MTARC1: variants seen among roughly 807,000 people sequenced by gnomAD.
MTARC1 encodes the protein mitochondrial amidoxime-reducing component 1.
In MTARC1, 24 loss-of-function variants were observed where a neutral mutation model predicts 33.6. The observed-to-expected ratio is 0.72, with a 90% CI of 0.52 to 1.01. MTARC1 has a LOEUF of 1.01. Ranked by LOEUF, MTARC1 falls within the 50% of genes least tolerant of loss-of-function variation. The probability of loss-of-function intolerance (pLI) is 0.00; values close to 1 mark genes in which losing one functional copy is unlikely to be tolerated. For synonymous variants in MTARC1, 187 were observed against 189.5 expected, an observed-to-expected ratio of 0.99 and a Z score of 0.11; for missense variants, 417 against 445.7, an observed-to-expected ratio of 0.94 and a Z score of 0.58.
intron 4 of MTARC1, among the ~76,000 whole-genome samples, chr1:220,802,791 C>A (rs531244000): frequency 1.3e-5 from 2 of 152,342 alleles, no homozygotes; most frequent in South Asian, 2.1e-4. Context: ...TAGCCACCAG[C>A]CAGATCCTAC....
intron 4 of MTARC1, among the ~76,000 whole-genome samples, chr1:220,800,529 T>G (rs1268595534): frequency 6.6e-6 from 1 of 152,044 alleles, no homozygotes; most frequent in African/African-American, 2.4e-5. Flanking sequence ...CCCAGGGCTC[T>G]GGTCTCAAAC....
At chr1:220,804,479 A>G (rs1672908470) in intron 4 of MTARC1, among the ~76,000 whole-genome samples, 1 of 152,174 alleles carries the variant, frequency 6.6e-6, no homozygotes, top group Admixed American at 6.5e-5. Flanking sequence ...ACTAGGCTCC[A>G]CTGACCCAGC....
At chr1:220,810,606 G>T (rs535492274) in intron 6 of MTARC1, among the ~76,000 whole-genome samples, 14 of 152,254 alleles carry the variant, frequency 9.2e-5, no homozygotes, top group Admixed American at 9.2e-4. Context: ...AGGCTGTGCC[G>T]AGAGGGGCAG....
intron 6 of MTARC1, among the ~76,000 whole-genome samples, chr1:220,811,284 C>G (rs1673127603): frequency 1.3e-5 from 2 of 152,240 alleles, no homozygotes; most frequent in Non-Finnish European, 2.9e-5. Context: ...ATACTCTTGG[C>G]AAGGCAGGGA....
chr1:220,811,175 C>A (rs1673124536), intron 6 of MTARC1, among the ~76,000 whole-genome samples: 1 of 152,198 alleles, frequency 6.6e-6, no homozygotes, highest in Non-Finnish European at 1.5e-5. Context: ...CTCAGAATGT[C>A]ATGAATGTTG....
intron 2 of MTARC1, among the ~76,000 whole-genome samples, chr1:220,791,922 T>C (rs1244985021): frequency 6.6e-6 from 1 of 152,020 alleles, no homozygotes; most frequent in Non-Finnish European, 1.5e-5. Context: ...AAAAGCATAT[T>C]GACATGTCAG....
chr1:220,787,232 GCCGGCGCGGGGCAGCGCTGAT>G lies in MTARC1; in HGVS notation c.275+19_275+39del. On this transcript the variant is annotated intron_variant, in intron 1 of 6. Transcript: ENST00000366910. ...ACCTGCGGGACAGGTACGGCCAAGC[GCCGGCGCGGGGCAGCGCTGAT>G]CCGGCTCGGGGCAAGGGGGTGAGAA... 6.4e-7 allele frequency: 1 copy of G among 1,554,622 alleles called. No homozygotes were observed. The highest frequency in any genetic ancestry group is 2.4e-5 in the East Asian group (1 of 41,128).
intron 4 of MTARC1, among the ~76,000 whole-genome samples, chr1:220,803,843 C>T (rs1672889004): frequency 6.6e-6 from 1 of 152,154 alleles, no homozygotes; most frequent in Non-Finnish European, 1.5e-5. Flanking sequence ...GAAATGTTCA[C>T]AGGACAGGCT....
At position 220,796,766 on chromosome 1, in the gene MTARC1, T is replaced by G. The variant is rs1232705011; in HGVS notation, c.573T>G (p.Arg191=). The part of the protein sequence containing the change: ...VHFEPHMRPR[R]PHQIADLFRP... ...TCGAGCCTCACATGCGACCGAGACG[T>G]CCTCATCAAATAGCAGACTTGTTCC... The change falls in exon 3 of 7, where the codon CGT becomes CGG. Residue 191 remains arginine, a synonymous_variant. Coordinates refer to ENST00000366910, the MANE Select transcript of MTARC1 (RefSeq NM_022746.4). 2 of 1,612,426 alleles carry G rather than the reference T, an allele frequency of 1.2e-6. No homozygotes were observed. The highest frequency in any genetic ancestry group is 3.3e-5 in the Admixed American group (2 of 59,778).
chr1:220,806,488 A>G (rs1159035488), intron 6 of MTARC1, among the ~76,000 whole-genome samples: 1 of 152,210 alleles, frequency 6.6e-6, no homozygotes, highest in African/African-American at 2.4e-5. Flanking sequence ...AGGTTGCTCT[A>G]GGCTTTGTGG....
rs1217603552 is a variant in MTARC1, at chr1:220,786,943, C to T, written c.-2C>T. 9 of 1,239,802 alleles carry T rather than the reference C, an allele frequency of 7.3e-6. No individual in the cohort carries two copies. The highest frequency in any genetic ancestry group is 8.0e-6 in the Non-Finnish European group (8 of 994,230). The allele number at this position is 1,239,802 out of a possible 1,614,324, so 76.8% of individuals were successfully genotyped here. On this transcript the variant is annotated 5_prime_UTR_variant, in exon 1 of 7. Transcript: ENST00000366910. ...CGCCGCCACCTCGCGGAGAAGCCAG[C>T]CATGGGCGCCGCCGGCTCCTCCGCG...
chr1:220,794,081 A>G (rs1288772007), intron 2 of MTARC1: 2 of 152,186 alleles, frequency 1.3e-5, no homozygotes, highest in Non-Finnish European at 2.9e-5. Flanking sequence ...TTGACTTTGT[A>G]AAAATAATTA....
chr1:220,813,797 G>C lies in MTARC1; in HGVS notation c.*379G>C, dbSNP rs1673212747. ...GAGAAGAAGAGAAAGAGGAAGAGTG[G>C]GTGGGCTGGAAGAATATCCTAGAAT... On this transcript the variant is annotated 3_prime_UTR_variant, in exon 7 of 7. Coordinates refer to ENST00000366910, the MANE Select transcript of MTARC1 (RefSeq NM_022746.4). The C allele has an allele frequency of 5.1e-6, 1 of 195,214 alleles. No homozygotes were observed. Among genetic ancestry groups the C allele is most frequent in the African/African-American group, 2.3e-5 (1 of 43,246 alleles). The allele number at this position is 195,214 out of a possible 1,614,324, so 12.1% of individuals were successfully genotyped here.
intron 6 of MTARC1, among the ~76,000 whole-genome samples, chr1:220,808,154 C>G (rs1443418902): frequency 6.6e-6 from 1 of 152,182 alleles, no homozygotes; most frequent in Non-Finnish European, 1.5e-5. Flanking sequence ...TATGCTCTTG[C>G]AGAAACAGCC....
intron 6 of MTARC1, chr1:220,808,782 T>G (rs1673043886): frequency 2.1e-6 from 1 of 469,764 alleles, no homozygotes; most frequent in Non-Finnish European, 4.4e-6. Context: ...TGTAAAATGC[T>G]CACAGCGGGA....
chr1:220,788,559 C>A (rs1553255995), intron 1 of MTARC1, among the ~76,000 whole-genome samples: 1 of 152,036 alleles, frequency 6.6e-6, no homozygotes, highest in East Asian at 1.9e-4. Flanking sequence ...GAGGCCGAGG[C>A]GGGTGGATCA....
At chr1:220,813,176 G>A (rs1338622221) in intron 6 of MTARC1, 116 bp from the exon 7 acceptor site, 10 of 1,397,978 alleles carry the variant, frequency 7.2e-6, no homozygotes, top group African/African-American at 1.4e-5. Context: ...AGCTTTGACG[G>A]GATGGTGCCC....
chr1:220,807,264 T>G (rs546934152), intron 6 of MTARC1, among the ~76,000 whole-genome samples: 1 of 152,210 alleles, frequency 6.6e-6, no homozygotes, highest in South Asian at 2.1e-4. Context: ...AGTGGATTGA[T>G]GGATAGATAC....
chr1:220,797,978 C>G lies in MTARC1; in HGVS notation c.717C>G (p.Pro239=), dbSNP rs763762831. 1 of 1,614,216 alleles carries G rather than the reference C, an allele frequency of 6.2e-7. No homozygotes were observed. The highest frequency in any genetic ancestry group is 1.1e-5 in the South Asian group (1 of 91,086). ...AAGTTAAAGCAACCAACTTCAGGCC[C>G]AATATTGTAATTTCAGGATGCGATG... The part of the protein sequence containing the change: ...EKKVKATNFR[P]NIVISGCDVY... Residue 239 remains proline (P), a synonymous_variant, in exon 4 of 7, where the codon CCC becomes CCG. Coordinates refer to ENST00000366910, the MANE Select transcript of MTARC1 (RefSeq NM_022746.4).
Sources: allele counts gnomAD v4.1 joint callset (sites outside exome capture counted in the v4.1 genomes callset), GRCh38; gene constraint gnomAD v4.1.1; transcripts MANE v1.5; gene names NCBI Gene and HGNC (gene_info 2026-07-23, HGNC 2026-07-21).